The following ADAMTS17 variants were observed in gnomAD, a reference collection of about 807,000 sequenced individuals.
ADAMTS17 encodes the protein ADAM metallopeptidase with thrombospondin type 1 motif 17, also known as A disintegrin and metalloproteinase with thrombospondin motifs 17.
Under a neutral mutation model 141.5 loss-of-function variants are expected in ADAMTS17, and 113 were observed. The ratio of observed to expected loss-of-function variants is 0.80; its 90% CI spans 0.69 to 0.93. ADAMTS17 has a LOEUF of 0.93. ADAMTS17 is among the 40% of genes least tolerant of loss of function. ADAMTS17 has a pLI of 0.00. For missense variants in ADAMTS17, 1,659 were observed against 1,517.9 expected, an observed-to-expected ratio of 1.09 and a Z score of -1.54; for synonymous variants, 768 against 630.6, an observed-to-expected ratio of 1.22 and a Z score of -3.27.
At chr15:99,975,281 C>T (rs545547339) in intron 21 of ADAMTS17, among the ~76,000 whole-genome samples, 17 of 152,322 alleles carry the variant, frequency 1.1e-4, no homozygotes, top group Non-Finnish European at 1.8e-4. Context: ...ACGATCTCGG[C>T]TCACTACAAC....
chr15:100,113,437 T>C (rs1476470366), intron 13 of ADAMTS17, among the ~76,000 whole-genome samples: 1 of 152,186 alleles, frequency 6.6e-6, no homozygotes, highest in Non-Finnish European at 1.5e-5. Flanking sequence ...TGACTGACTA[T>C]GGGGTGCTCT....
chr15:99,997,589 C>T lies in ADAMTS17; in HGVS notation c.2592G>A (p.Arg864=), dbSNP rs1055650935. 6.2e-7 allele frequency: 1 copy of T among 1,612,918 alleles called. No individual in the cohort carries two copies. ...AGGGGCTCCACGGGCCTGCCACCCA[C>T]CTGCCAGACGGGAGGAAAGAGAGAG... ...RRCNLHPCQS[R]WVAGPWSPCS... is the part of the protein sequence containing the mutation. The change falls in exon 19 of 22, where the codon CGG becomes CGA. Residue 864 remains arginine, a splice_region_variant and synonymous_variant. Coordinates refer to ENST00000268070, the MANE Select transcript of ADAMTS17 (RefSeq NM_139057.4). The surrounding 1 kb of genome is among the most constrained non-coding windows in gnomAD (Gnocchi z 4.7).
intron 3 of ADAMTS17, among the ~76,000 whole-genome samples, chr15:100,283,934 C>G (rs139595282): frequency 6.6e-6 from 1 of 152,072 alleles, no homozygotes; most frequent in Non-Finnish European, 1.5e-5. Flanking sequence ...GGTGAAACCC[C>G]GTCTCTACTA....
At chr15:100,278,062 G>A (rs928510213) in intron 4 of ADAMTS17, among the ~76,000 whole-genome samples, 1 of 152,172 alleles carries the variant, frequency 6.6e-6, no homozygotes, top group African/African-American at 2.4e-5. Flanking sequence ...AATACTGCAT[G>A]ATTCCACTTA....
At chr15:100,331,100 A>G (rs1361822649) in intron 2 of ADAMTS17, 46 bp from the exon 3 acceptor site, 1 of 1,611,670 alleles carries the variant, frequency 6.2e-7, no homozygotes, top group Non-Finnish European at 8.5e-7. Flanking sequence ...ATCCTCACTC[A>G]CACACGCCCA....
chr15:100,317,734 G>A (rs898130809), intron 3 of ADAMTS17, among the ~76,000 whole-genome samples: 8 of 152,174 alleles, frequency 5.3e-5, no homozygotes, highest in South Asian at 2.1e-4. Flanking sequence ...GCTGACTTAC[G>A]AGGCATGCAT....
At chr15:100,155,862 G>C (rs780382538) in intron 8 of ADAMTS17, among the ~76,000 whole-genome samples, 2 of 152,112 alleles carry the variant, frequency 1.3e-5, no homozygotes, top group African/African-American at 2.4e-5. Flanking sequence ...AGCTATACCT[G>C]AGACATACCA....
intron 7 of ADAMTS17, among the ~76,000 whole-genome samples, chr15:100,251,535 C>T (rs1233767584): frequency 6.6e-6 from 1 of 152,198 alleles, no homozygotes; most frequent in Non-Finnish European, 1.5e-5. Flanking sequence ...ACCATCCTGG[C>T]TAACATGGTG....
At chr15:100,309,257 G>A (rs778282745) in intron 3 of ADAMTS17, among the ~76,000 whole-genome samples, 2 of 152,254 alleles carry the variant, frequency 1.3e-5, no homozygotes, top group Non-Finnish European at 2.9e-5. Context: ...GGAGGCATGT[G>A]GGGGCGAGTG....
chr15:100,276,630 C>T (rs1368980809), intron 4 of ADAMTS17, among the ~76,000 whole-genome samples: 1 of 151,966 alleles, frequency 6.6e-6, no homozygotes, highest in East Asian at 1.9e-4. Flanking sequence ...GATTTCCTTC[C>T]AAATCTGGAG....
chr15:100,079,940 T>C (rs2034623040), intron 15 of ADAMTS17, among the ~76,000 whole-genome samples: 1 of 152,226 alleles, frequency 6.6e-6, no homozygotes, highest in Admixed American at 6.5e-5. Context: ...AACGGTGGAA[T>C]GGCCTTTTGA....
chr15:100,095,535 GA>G (rs2035705457), intron 15 of ADAMTS17, among the ~76,000 whole-genome samples: 1 of 152,114 alleles, frequency 6.6e-6, no homozygotes, highest in Non-Finnish European at 1.5e-5. Context: ...GCAACTTGTG[GA>G]AATTAAAATA....
intron 12 of ADAMTS17, among the ~76,000 whole-genome samples, chr15:100,120,492 C>G (rs1212008175): frequency 2.0e-5 from 3 of 152,228 alleles, no homozygotes; most frequent in Non-Finnish European, 4.4e-5. Context: ...GCTGACATTG[C>G]TGTAACCTCC....
chr15:100,109,491 G>A (rs2036614909), intron 13 of ADAMTS17, among the ~76,000 whole-genome samples: 1 of 152,056 alleles, frequency 6.6e-6, no homozygotes, highest in Non-Finnish European at 1.5e-5. Context: ...TGAAGGGAGG[G>A]GGAGGGGAAG....
At chr15:100,021,718 G>A (rs2061409940) in intron 18 of ADAMTS17, among the ~76,000 whole-genome samples, 1 of 152,148 alleles carries the variant, frequency 6.6e-6, no homozygotes, top group Admixed American at 6.5e-5. Context: ...ATAAGACTCT[G>A]GACTAAGAAA....
At chr15:100,012,912 C>T (rs950133468) in intron 18 of ADAMTS17, among the ~76,000 whole-genome samples, 1 of 152,038 alleles carries the variant, frequency 6.6e-6, no homozygotes, top group Non-Finnish European at 1.5e-5. Flanking sequence ...TTTTTTCTAA[C>T]TCTGTGAAGA....
At chr15:100,213,894 C>T (rs934350879) in intron 7 of ADAMTS17, among the ~76,000 whole-genome samples, 1 of 152,232 alleles carries the variant, frequency 6.6e-6, no homozygotes, top group Admixed American at 6.5e-5. Flanking sequence ...AGGTGCTGAG[C>T]CCCTATGTCA....
intron 8 of ADAMTS17, among the ~76,000 whole-genome samples, chr15:100,158,167 G>A (rs771862900): frequency 3.9e-5 from 6 of 152,106 alleles, no homozygotes; most frequent in South Asian, 4.1e-4. Flanking sequence ...GATTACAGGC[G>A]TCAGCCACTG....
chr15:100,328,851 C>A (rs186844914), intron 3 of ADAMTS17, among the ~76,000 whole-genome samples: 1 of 152,144 alleles, frequency 6.6e-6, no homozygotes, highest in East Asian at 1.9e-4. Context: ...GTCTGATGAA[C>A]GGTGGCGTGA....
Sources: gnomAD v4.1 joint callset for allele counts (sites outside exome capture counted in the v4.1 genomes callset) on GRCh38, gnomAD v4.1.1 for gene constraint, Gnocchi (gnomAD v3.1) non-coding constraint, MANE v1.5 for transcripts, NCBI Gene and HGNC (gene_info 2026-07-23, HGNC 2026-07-21) for gene names.